The following DNAH14 variants were observed in gnomAD, a reference collection of about 807,000 sequenced individuals.
DNAH14 encodes the protein dynein axonemal heavy chain 14.
A neutral mutation model predicts 520.9 loss-of-function variants in DNAH14; 478 were observed. The ratio of observed to expected loss-of-function variants is 0.92; its 90% CI spans 0.85 to 0.99. DNAH14 has a LOEUF of 0.99. Ranked by LOEUF, DNAH14 falls within the 50% of genes least tolerant of loss-of-function variation. The pLI is 0.00. For synonymous variants in DNAH14, 1,581 were observed against 1,757.2 expected, an observed-to-expected ratio of 0.90 and a Z score of 2.51; for missense variants, 4,831 against 5,234.5, an observed-to-expected ratio of 0.92 and a Z score of 2.38.
At chr1:225,319,518 AT>A (rs1356975933) in intron 61 of DNAH14, among the ~76,000 whole-genome samples, 1 of 152,168 alleles carries the variant, frequency 6.6e-6, no homozygotes, top group African/African-American at 2.4e-5. Flanking sequence ...GATAAGAAGA[AT>A]TTTTTTGATC....
At chr1:225,342,600 T>G (rs994184369) in intron 69 of DNAH14, among the ~76,000 whole-genome samples, 2 of 152,078 alleles carry the variant, frequency 1.3e-5, no homozygotes, top group Non-Finnish European at 2.9e-5. Flanking sequence ...ATCAATTCCA[T>G]TGATTCTTTT....
intron 31 of DNAH14, among the ~76,000 whole-genome samples, chr1:225,149,352 T>C (rs1462242466): frequency 6.6e-6 from 1 of 152,152 alleles, no homozygotes; most frequent in Non-Finnish European, 1.5e-5. Context: ...TAGTTTGAAG[T>C]TGGGTAATGT....
chr1:225,281,895 A>G (rs1473142444), intron 54 of DNAH14, among the ~76,000 whole-genome samples: 1 of 152,198 alleles, frequency 6.6e-6, no homozygotes, highest in Non-Finnish European at 1.5e-5. Context: ...CATGTACAGT[A>G]TGATAATGAT....
At chr1:225,002,986 T>C in intron 9 of DNAH14, 59 bp downstream of exon 9, 1 of 1,323,206 alleles carries the variant, frequency 7.6e-7, no homozygotes, top group Non-Finnish European at 9.9e-7. Flanking sequence ...GGAAGAAAAA[T>C]AGCATTTTGA....
At chr1:225,203,352 C>G (rs1015278183) in intron 38 of DNAH14, among the ~76,000 whole-genome samples, 4 of 152,132 alleles carry the variant, frequency 2.6e-5, no homozygotes, top group African/African-American at 9.7e-5. Context: ...CTAGGACTTG[C>G]TTACTTTGTG....
At chr1:225,230,423 T>C (rs746492402) in intron 41 of DNAH14, among the ~76,000 whole-genome samples, 1 of 152,128 alleles carries the variant, frequency 6.6e-6, no homozygotes, top group African/African-American at 2.4e-5. Context: ...ATATTACTAG[T>C]TGTTATATTT....
intron 11 of DNAH14, among the ~76,000 whole-genome samples, chr1:225,024,782 C>T (rs558141812): frequency 5.9e-5 from 9 of 151,946 alleles, no homozygotes; most frequent in South Asian, 2.1e-4. Flanking sequence ...TAAAACATTG[C>T]GTGTGTGTGT....
intron 84 of DNAH14, among the ~76,000 whole-genome samples, chr1:225,395,211 T>C (rs779967866): frequency 2.6e-5 from 4 of 152,212 alleles, no homozygotes; most frequent in Non-Finnish European, 5.9e-5. Context: ...CTTTTATCAA[T>C]ATGATTTATT....
At chr1:225,239,535 A>C (rs585546) in intron 42 of DNAH14, among the ~76,000 whole-genome samples, 30,158 of 152,076 alleles carry the variant, frequency 0.2, 3,137 homozygotes, top group East Asian at 0.37. Context: ...AGTGAGAGAA[A>C]CTGGATATTT....
chr1:225,232,247 G>A lies in DNAH14; in HGVS notation c.6518+1096G>A, dbSNP rs559005525. On this transcript the variant is annotated intron_variant, in intron 42 of 85. Transcript: ENST00000682510. This position sits in a 1 kb window ranked among gnomAD's most constrained non-coding sequence, Gnocchi z 4.2. ...TTTCACTGCTACCTACTAGTCCATT[G>A]TCATTATATATATAAACTGTGATAT... 1.3e-5 allele frequency among the ~76,000 whole-genome samples: 2 copies of A among 148,554 alleles called. No individual in the cohort carries two copies. Among genetic ancestry groups the A allele is most frequent in the Non-Finnish European group, 1.5e-5 (1 of 66,584 alleles).
chr1:224,985,679 GAATT>G (rs2062582446), intron 8 of DNAH14, among the ~76,000 whole-genome samples: 1 of 151,542 alleles, frequency 6.6e-6, no homozygotes, highest in Non-Finnish European at 1.5e-5. Flanking sequence ...CACAGAGAAG[GAATT>G]AAGCAACCAG....
chr1:225,357,645 C>G, intron 73 of DNAH14: 1 of 499,684 alleles, frequency 2.0e-6, no homozygotes, highest in South Asian at 3.9e-5. Context: ...CAAAACATAA[C>G]AGAAAAGAGC....
At chr1:224,934,408 T>G (rs1336202020) in intron 1 of DNAH14, among the ~76,000 whole-genome samples, 1 of 151,842 alleles carries the variant, frequency 6.6e-6, no homozygotes, top group East Asian at 1.9e-4. Context: ...ATTTGAAAGC[T>G]TCAACAATTG....
intron 58 of DNAH14, 70 bp from the exon 59 acceptor site, chr1:225,307,391 T>C (rs1028844366): frequency 1.7e-5 from 18 of 1,087,208 alleles, no homozygotes; most frequent in Non-Finnish European, 2.1e-5. Context: ...ATTCTTTTTA[T>C]ATATTATCAA....
At chr1:225,063,368 A>G (rs914682730) in intron 17 of DNAH14, among the ~76,000 whole-genome samples, 2 of 152,142 alleles carry the variant, frequency 1.3e-5, no homozygotes, top group Non-Finnish European at 1.5e-5. Context: ...TAATTTTTAT[A>G]TGGTAGGTTT....
At chr1:225,214,672 T>C (rs1441215895) in intron 41 of DNAH14, among the ~76,000 whole-genome samples, 1 of 152,246 alleles carries the variant, frequency 6.6e-6, no homozygotes, top group African/African-American at 2.4e-5. Flanking sequence ...TCATTTCTTC[T>C]AGATTTTCTA....
At chr1:225,360,301 T>C (rs977132579) in intron 74 of DNAH14, among the ~76,000 whole-genome samples, 8 of 152,222 alleles carry the variant, frequency 5.3e-5, no homozygotes, top group Non-Finnish European at 1.0e-4. Context: ...TACACAACAC[T>C]TTTGCTAACA....
chr1:225,338,132 C>CT lies in DNAH14; in HGVS notation c.10384dup (p.Tyr3462LeufsTer7). 1 of 1,551,708 alleles carries CT rather than the reference C, an allele frequency of 6.4e-7. No individual in the cohort carries two copies. Among genetic ancestry groups the CT allele is most frequent in the Non-Finnish European group, 8.7e-7 (1 of 1,146,954 alleles). On this transcript the variant is annotated frameshift_variant, in exon 68 of 86. Transcript: ENST00000682510. LOFTEE classifies it high-confidence loss of function. The stretch of plus-strand genomic sequence containing the variant: ...AGGATATCTATCAGAAAAAAGGACA[C>CT]TATTTCATAAGGGTTGGTGATGCTG...
At position 225,007,470 on chromosome 1, in the gene DNAH14, G is replaced by A; in HGVS notation, c.1033G>A (p.Ala345Thr). 6.5e-7 allele frequency: 1 copy of A among 1,541,934 alleles called. No homozygotes were observed. Among genetic ancestry groups the A allele is most frequent in the Non-Finnish European group, 8.8e-7 (1 of 1,141,422 alleles). ...ATTTTGTGAAGAGCAGTTACAGCAAGCTACCCAGGCATTGAAACAACTTGA... is the reference window on the plus strand; with the variant it reads ...ATTTTGTGAAGAGCAGTTACAGCAAACTACCCAGGCATTGAAACAACTTGA... ...DEFCEEQLQQATQALKQLEDI... is the reference protein window; with the variant it reads ...DEFCEEQLQQTTQALKQLEDI... Residue 345 changes from alanine to threonine, a missense_variant, in exon 10 of 86, where the codon GCT becomes ACT. Physicochemically the swap from Ala to Thr is moderately conservative, Grantham distance 58. Coordinates refer to ENST00000682510, the MANE Select transcript of DNAH14 (RefSeq NM_001367479.1).
Sources: allele counts gnomAD v4.1 joint callset (sites outside exome capture counted in the v4.1 genomes callset), GRCh38; gene constraint gnomAD v4.1.1; non-coding constraint Gnocchi (gnomAD v3.1); transcripts MANE v1.5; gene names NCBI Gene and HGNC (gene_info 2026-07-23, HGNC 2026-07-21).